Variants in OTOGL observed in about 807,000 individuals in gnomAD.
OTOGL encodes otogelin like, also known as otogelin-like protein.
OTOGL carries 285 observed loss-of-function variants against 318.5 expected under a neutral mutation model. The observed-to-expected ratio is 0.89, with a 90% CI of 0.81 to 0.99. OTOGL has a LOEUF of 0.99. Among genes scored for constraint, OTOGL ranks in the 50% least tolerant of loss-of-function variants. OTOGL has a pLI of 0.00. For synonymous variants in OTOGL, 987 were observed against 936.5 expected, an observed-to-expected ratio of 1.05 and a Z score of -0.99; for missense variants, 2,899 against 2,845.6, an observed-to-expected ratio of 1.02 and a Z score of -0.43.
intron 26 of OTOGL, among the ~76,000 whole-genome samples, chr12:80,284,655 T>C (rs567858443): frequency 6.6e-6 from 1 of 152,310 alleles, no homozygotes; most frequent in East Asian, 1.9e-4. Context: ...TTTCATATGT[T>C]TGTTGGCTGT....
intron 1 of OTOGL, among the ~76,000 whole-genome samples, chr12:80,154,878 A>G (rs1873017461): frequency 6.6e-6 from 1 of 152,208 alleles, no homozygotes; most frequent in South Asian, 2.1e-4. Context: ...AAATGGCTGT[A>G]CCATTTTGCA....
chr12:80,353,328 T>C lies in OTOGL; in HGVS notation c.5411T>C (p.Leu1804Pro). The change falls in exon 46 of 59, where the codon CTG (leucine) becomes CCG (proline). Residue 1804 changes from leucine to proline, a missense_variant. Transcript: ENST00000547103. ...TTTTGTCTCCTATTCTTCAAAGCCC[T>C]GAGTTGCCCAGAGGGGAAGGAATAT... ...IQWRTPDYCSLSCPEGKEYQP... is the reference protein window; with the variant it reads ...IQWRTPDYCSPSCPEGKEYQP... 2 of 1,509,290 alleles carry C rather than the reference T, an allele frequency of 1.3e-6. No homozygotes were observed. Among genetic ancestry groups the C allele is most frequent in the South Asian group, 1.4e-5 (1 of 70,734 alleles). 93.5% of individuals were successfully genotyped at this position (1,509,290 alleles called of 1,614,324 possible).
chr12:80,102,995 T>C, intron 1 of OTOGL: 1 of 921,352 alleles, frequency 1.1e-6, no homozygotes, highest in Admixed American at 1.7e-5. Flanking sequence ...TTTTGCTGTC[T>C]TTGTCCAGTT....
Position 80,320,581 on chromosome 12 carries a change from G to A in OTOGL, c.3962G>A (p.Ser1321Asn), listed in dbSNP as rs377283479. Residue 1321 changes from serine to asparagine, a missense_variant, in exon 34 of 59, where the codon AGT becomes AAT. Physicochemically the swap from Ser to Asn is conservative, Grantham distance 46. Transcript: ENST00000547103. ...CAGGGCCTCTGGATTCCTGGTTACA[G>A]TGCATTTGAGTTATACAGCAAGAAA... ...HHQGLWIPGY[S>N]AFELYSKKGF... The A allele has an allele frequency of 9.8e-5, 158 of 1,613,166 alleles. No individual in the cohort carries two copies. Among genetic ancestry groups the A allele is most frequent in the Non-Finnish European group, 1.2e-4 (139 of 1,179,574 alleles).
chr12:80,104,744 A>G (rs1194404506), intron 1 of OTOGL, among the ~76,000 whole-genome samples: 3 of 152,142 alleles, frequency 2.0e-5, no homozygotes, highest in Admixed American at 2.0e-4. Context: ...TGTATCATCA[A>G]TCTTTTAAAG....
At chr12:80,320,065 C>T (rs528636449) in intron 33 of OTOGL, among the ~76,000 whole-genome samples, 93 of 152,152 alleles carry the variant, frequency 6.1e-4, no homozygotes, top group African/African-American at 1.9e-3. Flanking sequence ...AGCTTGCAAA[C>T]GCAAATATAT....
intron 1 of OTOGL, among the ~76,000 whole-genome samples, chr12:80,128,015 C>T (rs370467958): frequency 3.3e-5 from 5 of 152,080 alleles, no homozygotes; most frequent in South Asian, 2.1e-4. Flanking sequence ...GTAGTTTGAT[C>T]GTCTGAAGCC....
intron 1 of OTOGL, among the ~76,000 whole-genome samples, chr12:80,172,510 G>C (rs938869449): frequency 1.3e-5 from 2 of 152,072 alleles, no homozygotes; most frequent in African/African-American, 4.8e-5. Context: ...AGGTGGGTGT[G>C]GTAAGTCCTG....
In OTOGL at chr12:80,380,828, A is replaced by C. The variant is rs1287772144; in HGVS notation, c.*2780A>C. 1 of 152,176 alleles carries C rather than the reference A, an allele frequency of 6.6e-6. No individual in the cohort carries two copies. The highest frequency in any genetic ancestry group is 1.5e-5 in the Non-Finnish European group (1 of 68,012). 9.4% of individuals were successfully genotyped at this position (152,176 alleles called of 1,614,324 possible). A position where few individuals can be genotyped will look rare whatever the true frequency, so the allele number is the denominator to read the frequency against. Reference sequence around the variant, plus strand: ...ATTTGTGAAGGTTATTAATTGCAGCATTGTTTGTAATAGAAAAAAACCAAC... The same window carrying C: ...ATTTGTGAAGGTTATTAATTGCAGCCTTGTTTGTAATAGAAAAAAACCAAC... On this transcript the variant is annotated 3_prime_UTR_variant, in exon 59 of 59. Transcript: ENST00000547103.
At chr12:80,228,369 G>C (rs1879064468) in intron 7 of OTOGL, among the ~76,000 whole-genome samples, 1 of 152,058 alleles carries the variant, frequency 6.6e-6, no homozygotes, top group African/African-American at 2.4e-5. Context: ...TTGAACCTAG[G>C]AGGCAGAGGT....
At chr12:80,241,781 G>C (rs1037040035) in intron 11 of OTOGL, among the ~76,000 whole-genome samples, 2 of 152,042 alleles carry the variant, frequency 1.3e-5, no homozygotes, top group Admixed American at 6.6e-5. Context: ...AATCCATGCC[G>C]GTTAGTGGTC....
intron 7 of OTOGL, among the ~76,000 whole-genome samples, chr12:80,227,060 T>C (rs2137379487): frequency 6.6e-6 from 1 of 152,260 alleles, no homozygotes; most frequent in South Asian, 2.1e-4. Flanking sequence ...GCTGGGCACT[T>C]GATGGGCTTT....
chr12:80,219,435 G>A (rs1371457251), intron 5 of OTOGL, among the ~76,000 whole-genome samples: 2 of 152,212 alleles, frequency 1.3e-5, no homozygotes, highest in East Asian at 3.9e-4. Context: ...TCCTGGAAGA[G>A]GAGCTGATGG....
At chr12:80,159,927 G>T (rs1429985642) in intron 1 of OTOGL, among the ~76,000 whole-genome samples, 3 of 152,024 alleles carry the variant, frequency 2.0e-5, no homozygotes, top group Non-Finnish European at 4.4e-5. Flanking sequence ...ATAGAATAGA[G>T]AACCCAGAAA....
rs1882589360 is a variant in OTOGL, at chr12:80,262,096, A to G, written c.2014+3A>G. Reference sequence around the variant, plus strand: ...CTGTAACATCAATCAACAAAACAGTAAGTTTTGCATGTAAACTTCCTTTCT... The same window carrying G: ...CTGTAACATCAATCAACAAAACAGTGAGTTTTGCATGTAAACTTCCTTTCT... On this transcript the variant is annotated splice_donor_region_variant and intron_variant, in intron 19 of 58. Coordinates refer to ENST00000547103, the MANE Select transcript of OTOGL (RefSeq NM_001378609.3). 1 of 1,602,580 alleles carries G rather than the reference A, an allele frequency of 6.2e-7. No individual in the cohort carries two copies. The highest frequency in any genetic ancestry group is 8.5e-7 in the Non-Finnish European group (1 of 1,173,682).
chr12:80,362,538 A>G (rs1377352122), intron 52 of OTOGL, among the ~76,000 whole-genome samples: 1 of 152,212 alleles, frequency 6.6e-6, no homozygotes, highest in Admixed American at 6.6e-5. Context: ...AATTTTGACA[A>G]GGTTGCATTG....
chr12:80,206,662 A>T (rs1441057537), intron 1 of OTOGL, among the ~76,000 whole-genome samples: 1 of 150,556 alleles, frequency 6.6e-6, no homozygotes, highest in Non-Finnish European at 1.5e-5. Context: ...GGAGCATGCT[A>T]CCATGCCCAG....
chr12:80,145,704 T>C (rs1022698801), intron 1 of OTOGL, among the ~76,000 whole-genome samples: 9 of 152,028 alleles, frequency 5.9e-5, no homozygotes, highest in African/African-American at 2.2e-4. Flanking sequence ...GGAATGTTCT[T>C]CCATTTGTTT....
intron 26 of OTOGL, among the ~76,000 whole-genome samples, chr12:80,290,427 T>C (rs1884968788): frequency 6.6e-6 from 1 of 152,106 alleles, no homozygotes; most frequent in East Asian, 1.9e-4. Flanking sequence ...TTTTGAGTAG[T>C]AAGGATGTAG....
Sources: gnomAD v4.1 joint callset for allele counts (sites outside exome capture counted in the v4.1 genomes callset) on GRCh38, gnomAD v4.1.1 for gene constraint, MANE v1.5 for transcripts, NCBI Gene and HGNC (gene_info 2026-07-23, HGNC 2026-07-21) for gene names.